The following ANKRD44 variants were observed in gnomAD, a reference collection of about 807,000 sequenced individuals.
The protein encoded by ANKRD44 is ankyrin repeat domain 44.
A neutral mutation model predicts 116.0 loss-of-function variants in ANKRD44; 35 were observed. The observed-to-expected ratio is 0.30, with a 90% CI of 0.23 to 0.40. The LOEUF (loss-of-function observed/expected upper bound fraction) is 0.40. Ranked by LOEUF, ANKRD44 falls within the 10% of genes least tolerant of loss-of-function variation. ANKRD44 has a pLI of 1.00. For synonymous variants in ANKRD44, 435 were observed against 461.8 expected (o/e 0.94, Z 0.74); for missense variants, 1,014 against 1,242.6 (o/e 0.82, Z 2.77).
intron 1 of ANKRD44, among the ~76,000 whole-genome samples, chr2:197,207,549 C>T (rs1397849742): frequency 1.3e-5 from 2 of 152,118 alleles, no homozygotes; most frequent in African/African-American, 4.8e-5. Flanking sequence ...TGTTCCCTTC[C>T]CTTTCTGTTT....
chr2:197,236,713 C>CAAAAAAAAAAAAAAAAAAAAAAAAAAA (rs71012964), intron 1 of ANKRD44, among the ~76,000 whole-genome samples: 1 of 105,246 alleles, frequency 9.5e-6, no homozygotes, highest in African/African-American at 3.2e-5. Flanking sequence ...ACAAACTACT[C>CAAAAAAAAAAAAAAAAAAAAAAAAAAA]AAAAAAAAAA....
chr2:197,218,757 T>C (rs868382242), intron 1 of ANKRD44, among the ~76,000 whole-genome samples: 3 of 103,016 alleles, frequency 2.9e-5, no homozygotes, highest in African/African-American at 5.5e-5. Flanking sequence ...GTCCCTTTTT[T>C]TTTTTTTTTT....
intron 6 of ANKRD44, among the ~76,000 whole-genome samples, chr2:197,124,227 T>C (rs2078925457): frequency 6.6e-6 from 1 of 152,176 alleles, no homozygotes; most frequent in Non-Finnish European, 1.5e-5. Flanking sequence ...GCCCAAGGAT[T>C]CACTCAGACC....
intron 9 of ANKRD44, among the ~76,000 whole-genome samples, chr2:197,108,421 T>A (rs1282005170): frequency 6.6e-6 from 1 of 152,190 alleles, no homozygotes; most frequent in African/African-American, 2.4e-5. Context: ...TTCAGGCCCC[T>A]GGACCCCACC....
chr2:197,151,917 G>A (rs1427409171), intron 2 of ANKRD44, among the ~76,000 whole-genome samples: 3 of 152,014 alleles, frequency 2.0e-5, no homozygotes, highest in African/African-American at 7.3e-5. Flanking sequence ...TATCCGAACT[G>A]GCCTGTGCAG....
chr2:197,261,403 T>C lies in ANKRD44; in HGVS notation c.27+49175A>G, dbSNP rs537883390. Among the ~76,000 whole-genome samples the C allele has an allele frequency of 8.0e-4, 121 of 152,018 alleles. 1 individual carries two copies. Among genetic ancestry groups the C allele is most frequent in the African/African-American group, 2.7e-3 (113 of 41,448 alleles). On this transcript the variant is annotated intron_variant, in intron 1 of 27. Transcript: ENST00000282272. ...AGATAGTTGTAGATATGTGGAATTATTTCTGAGGGCTCTGTTCTGTTCCAT... is the reference window on the plus strand; with the variant it reads ...AGATAGTTGTAGATATGTGGAATTACTTCTGAGGGCTCTGTTCTGTTCCAT...
intron 11 of ANKRD44, among the ~76,000 whole-genome samples, chr2:197,089,235 A>G: frequency 6.6e-6 from 1 of 152,206 alleles, no homozygotes; most frequent in Non-Finnish European, 1.5e-5. Context: ...TAAACATGCC[A>G]ACAGCAGTGA....
intron 8 of ANKRD44, among the ~76,000 whole-genome samples, chr2:197,114,375 G>A (rs1390910910): frequency 1.3e-5 from 2 of 152,160 alleles, no homozygotes; most frequent in Non-Finnish European, 2.9e-5. Flanking sequence ...TAAGCAAGAA[G>A]CACTTCTATT....
At chr2:197,065,291 C>T (rs1250505902) in intron 16 of ANKRD44, among the ~76,000 whole-genome samples, 1 of 152,054 alleles carries the variant, frequency 6.6e-6, no homozygotes, top group African/African-American at 2.4e-5. Flanking sequence ...ATCTCTGGGA[C>T]ACATTTAAAG....
At chr2:197,074,932 T>G (rs902694701) in intron 16 of ANKRD44, among the ~76,000 whole-genome samples, 1 of 152,192 alleles carries the variant, frequency 6.6e-6, no homozygotes, top group African/African-American at 2.4e-5. Context: ...CAAGACACAG[T>G]TGCTTTCAGT....
chr2:197,084,630 C>T (rs1042014657), intron 13 of ANKRD44, among the ~76,000 whole-genome samples: 3 of 152,164 alleles, frequency 2.0e-5, no homozygotes, highest in Non-Finnish European at 4.4e-5. Context: ...CTTCTTCACC[C>T]TTATTTCAAC....
chr2:197,300,758 CTTTTTTTTT>C lies in ANKRD44; in HGVS notation c.27+9811_27+9819del, dbSNP rs112803787. On this transcript the variant is annotated intron_variant, in intron 1 of 27. Transcript: ENST00000282272. Reference sequence around the variant, plus strand: ...ACTCGACCTCTCAGTTTTCATTTTCCTTTTTTTTTTTTTTTTTTTTTTGAGACAGAGTTT... The same window carrying C: ...ACTCGACCTCTCAGTTTTCATTTTCCTTTTTTTTTTTTTGAGACAGAGTTT... Among the ~76,000 whole-genome samples, 8 of 122,722 alleles carry C rather than the reference CTTTTTTTTT, an allele frequency of 6.5e-5. No individual in the cohort carries two copies. The East Asian group carries it at 1.8e-3, about 27-fold the overall frequency. 80.5% of individuals were successfully genotyped at this position (122,722 alleles called of 152,430 possible).
chr2:197,038,771 T>G (rs1338471320), intron 16 of ANKRD44, among the ~76,000 whole-genome samples: 1 of 152,172 alleles, frequency 6.6e-6, no homozygotes, highest in African/African-American at 2.4e-5. Context: ...GAAATAGTGT[T>G]AAGATTAACT....
At chr2:197,092,918 T>C (rs919385980) in intron 10 of ANKRD44, among the ~76,000 whole-genome samples, 4 of 152,148 alleles carry the variant, frequency 2.6e-5, no homozygotes, top group East Asian at 3.8e-4. Context: ...GCTAATGTGA[T>C]TTTACCTAAT....
downstream of ANKRD44, among the ~76,000 whole-genome samples, chr2:196,986,416 CAAAACAAA>C (rs1038280026): frequency 7.7e-4 from 116 of 151,366 alleles, no homozygotes; most frequent in Non-Finnish European, 1.2e-3. Context: ...AAAAACAAAA[CAAAACAAA>C]ACAAAACAAA....
chr2:197,083,975 GA>G (rs1317210478), intron 13 of ANKRD44, among the ~76,000 whole-genome samples: 1 of 151,968 alleles, frequency 6.6e-6, no homozygotes, highest in Non-Finnish European at 1.5e-5. Context: ...TGCTTTTTTG[GA>G]TCATTGCAAG....
chr2:197,022,895 T>G (rs2076524069), intron 17 of ANKRD44, among the ~76,000 whole-genome samples: 1 of 152,206 alleles, frequency 6.6e-6, no homozygotes, highest in Non-Finnish European at 1.5e-5. Flanking sequence ...TGATCCCATT[T>G]CATTTTCTCT....
chr2:197,092,226 T>C (rs1485095973), intron 10 of ANKRD44, among the ~76,000 whole-genome samples: 1 of 152,236 alleles, frequency 6.6e-6, no homozygotes, highest in Non-Finnish European at 1.5e-5. Context: ...TTTAAAATCT[T>C]CTGCATAATA....
chr2:197,211,131 C>A (rs902491665), intron 1 of ANKRD44, among the ~76,000 whole-genome samples: 16 of 152,184 alleles, frequency 1.1e-4, no homozygotes, highest in African/African-American at 3.6e-4. Flanking sequence ...GTCCTGCACC[C>A]TCAATATTCT....
Sources: allele counts gnomAD v4.1 joint callset (sites outside exome capture counted in the v4.1 genomes callset), GRCh38; gene constraint gnomAD v4.1.1; transcripts MANE v1.5; gene names NCBI Gene and HGNC (gene_info 2026-07-23, HGNC 2026-07-21).